The following OARD1 variants were observed in gnomAD, a reference collection of about 807,000 sequenced individuals.
OARD1 encodes the protein O-acyl-ADP-ribose deacylase 1.
OARD1 carries 19 observed loss-of-function variants against 19.7 expected under a neutral mutation model. The ratio of observed to expected loss-of-function variants is 0.96; its 90% CI spans 0.67 to 1.41. OARD1 has a LOEUF of 1.41. Among genes scored for constraint, OARD1 ranks in the 40% most tolerant of loss-of-function variants. The probability of loss-of-function intolerance (pLI) is 0.00; values close to 1 mark genes in which losing one functional copy is unlikely to be tolerated. For missense variants in OARD1, 190 were observed against 183.8 expected, an observed-to-expected ratio of 1.03 and a Z score of -0.20; for synonymous variants, 70 against 61.8, an observed-to-expected ratio of 1.13 and a Z score of -0.62.
At chr6:41,068,114 T>C (rs1389830084) in intron 5 of OARD1, among the ~76,000 whole-genome samples, 1 of 152,220 alleles carries the variant, frequency 6.6e-6, no homozygotes, top group African/African-American at 2.4e-5. Flanking sequence ...GATATGTATG[T>C]ACACCATAAA....
At chr6:41,090,935 T>C (rs939270552) in intron 1 of OARD1, among the ~76,000 whole-genome samples, 3 of 152,200 alleles carry the variant, frequency 2.0e-5, no homozygotes, top group African/African-American at 7.2e-5. Context: ...TTCCATGACT[T>C]TGTGATTGCA....
chr6:41,093,677 G>T (rs1764260862), intron 1 of OARD1, among the ~76,000 whole-genome samples: 2 of 152,144 alleles, frequency 1.3e-5, no homozygotes, highest in African/African-American at 2.4e-5. Context: ...CACCATGTTG[G>T]CCAGGCTGGT....
intron 1 of OARD1, chr6:41,097,486 G>GA: frequency 6.9e-7 from 1 of 1,459,330 alleles, no homozygotes; most frequent in Non-Finnish European, 9.6e-7. Context: ...CTTCCAATGG[G>GA]ACATTGATGA....
intron 1 of OARD1, among the ~76,000 whole-genome samples, chr6:41,094,243 C>T (rs1470979027): frequency 6.6e-6 from 1 of 152,086 alleles, no homozygotes; most frequent in Non-Finnish European, 1.5e-5. Context: ...TAGGTGTTTT[C>T]TCCAAAGCTT....
At chr6:41,084,164 C>T (rs754482435) in intron 1 of OARD1, 1 of 1,614,090 alleles carries the variant, frequency 6.2e-7, no homozygotes. Context: ...ATGCAAGTAC[C>T]TGTTTCTGGA....
chr6:41,093,160 C>A, intron 1 of OARD1: 2 of 1,340,680 alleles, frequency 1.5e-6, no homozygotes, highest in South Asian at 1.4e-5. Context: ...TTTTATATGG[C>A]TTGTTTTCTC....
In OARD1 at chr6:41,071,227, A is replaced by G. The variant is rs369222296; in HGVS notation, c.89T>C (p.Leu30Ser). 4.6e-5 allele frequency: 74 copies of G among 1,613,674 alleles called. No homozygotes were observed. The highest frequency in any genetic ancestry group is 1.5e-4 in the African/African-American group (11 of 75,046). ...DLFACPKTDS[L>S]AHCISEDCRM... ...ACAATCCTCACTGATACAGTGGGCTAAAGAGTCTGTTTTCGGGCATGCAAA... is the reference window on the plus strand; with the variant it reads ...ACAATCCTCACTGATACAGTGGGCTGAAGAGTCTGTTTTCGGGCATGCAAA... The change falls in exon 3 of 6, where the codon TTA (leucine) becomes TCA (serine). Residue 30 changes from leucine to serine, a missense_variant. By Grantham distance (145) the Leu-to-Ser change is moderately radical. Transcript: ENST00000424266.
Position 41,067,149 on chromosome 6 carries a change from T to C in OARD1, c.*186A>G, listed in dbSNP as rs1021377551. 2.6e-6 allele frequency: 1 copy of C among 389,162 alleles called. No homozygotes were observed. The highest frequency in any genetic ancestry group is 4.7e-6 in the Non-Finnish European group (1 of 210,842). The allele number at this position is 389,162 out of a possible 1,614,324, so 24.1% of individuals were successfully genotyped here. A position where few individuals can be genotyped will look rare whatever the true frequency, so the allele number is the denominator to read the frequency against. ...TTCCACAAAAAAACACAACCACATA[T>C]CTTAAGCAAGCCCTCCTCCACAGTC... is the stretch of plus-strand genomic sequence containing the variant. On this transcript the variant is annotated 3_prime_UTR_variant, in exon 6 of 6. Transcript: ENST00000424266.
Position 41,079,639 on chromosome 6 carries a change from T to C in OARD1, c.-41-7964A>G, listed in dbSNP as rs150821141. Among the ~76,000 whole-genome samples, 920 of 152,312 alleles carry C rather than the reference T, an allele frequency of 6.0e-3. 11 individuals carry two copies. The highest frequency in any genetic ancestry group is 0.021 in the African/African-American group (871 of 41,566). The stretch of plus-strand genomic sequence containing the variant: ...GACAGCCATTCTTATGGATAAGACA[T>C]ACTAGAAAGGAATTCCCTGCTGCTG... On this transcript the variant is annotated intron_variant, in intron 1 of 4. Coordinates refer to the OARD1 transcript ENST00000480585.
In OARD1 at chr6:41,066,473, T is replaced by C. The variant is rs1763013448; in HGVS notation, c.*862A>G. ...TTTTAAAGAAGACTCATAAGGATTT[T>C]TGACAATCACTGATTTATTGGGTCA... On this transcript the variant is annotated 3_prime_UTR_variant, in exon 6 of 6. Transcript: ENST00000424266. The C allele has an allele frequency of 6.6e-6, 1 of 152,172 alleles. No homozygotes were observed. Among genetic ancestry groups the C allele is most frequent in the African/African-American group, 2.4e-5 (1 of 41,426 alleles). 9.4% of individuals were successfully genotyped at this position (152,172 alleles called of 1,614,324 possible).
Position 41,071,685 on chromosome 6 carries a change from G to A in OARD1, c.-41-10C>T, listed in dbSNP as rs776183225. The A allele has an allele frequency of 3.3e-6, 5 of 1,522,524 alleles. No individual in the cohort carries two copies. The South Asian group carries it at 4.5e-5, about 14-fold the overall frequency. 94.3% of individuals were successfully genotyped at this position (1,522,524 alleles called of 1,614,324 possible). On this transcript the variant is annotated splice_polypyrimidine_tract_variant and intron_variant, in intron 1 of 5. Coordinates refer to ENST00000424266, the MANE Select transcript of OARD1 (RefSeq NM_001329686.2). Reference sequence around the variant, plus strand: ...TTAAGTGTTTCTTCAGCTATGAGAAGGGAAAAGGAAGTAAAAATGCTTAGG... The same window carrying A: ...TTAAGTGTTTCTTCAGCTATGAGAAAGGAAAAGGAAGTAAAAATGCTTAGG...
At chr6:41,085,493 A>C (rs1200357950) in intron 1 of OARD1, among the ~76,000 whole-genome samples, 4 of 152,170 alleles carry the variant, frequency 2.6e-5, no homozygotes, top group Admixed American at 2.6e-4. Context: ...ATTCATAACC[A>C]ACCCCCCATG....
At chr6:41,083,846 T>C (rs927005121) in intron 1 of OARD1, among the ~76,000 whole-genome samples, 2 of 152,368 alleles carry the variant, frequency 1.3e-5, no homozygotes, top group East Asian at 1.9e-4. Context: ...TGTCTGACCT[T>C]AAAGTATTGA....
chr6:41,074,981 C>A (rs1289416526), upstream of OARD1, among the ~76,000 whole-genome samples: 2 of 151,420 alleles, frequency 1.3e-5, no homozygotes, highest in Non-Finnish European at 2.9e-5. Context: ...TGTTATACAA[C>A]TAATAGGTTT....
At chr6:41,079,084 G>A (rs750919032) in intron 1 of OARD1, 25 of 1,613,838 alleles carry the variant, frequency 1.5e-5, no homozygotes, top group Middle Eastern at 3.3e-4. Context: ...CTCACTTGGA[G>A]GGACCATGGA....
At chr6:41,070,658 G>T (rs1012604198) in intron 3 of OARD1, among the ~76,000 whole-genome samples, 1 of 152,198 alleles carries the variant, frequency 6.6e-6, no homozygotes, top group Non-Finnish European at 1.5e-5. Context: ...AATCACTGTG[G>T]ACACTGATGC....
At chr6:41,077,526 G>C (rs912211537), upstream of OARD1, among the ~76,000 whole-genome samples, 1 of 141,254 alleles carries the variant, frequency 7.1e-6, no homozygotes, top group South Asian at 2.2e-4. Context: ...AATTTTATTA[G>C]TTTATAGCCA....
chr6:41,080,686 A>C, intron 1 of OARD1: 1 of 708,278 alleles, frequency 1.4e-6, no homozygotes, highest in East Asian at 2.6e-5. Context: ...CAATATAGGG[A>C]GTCTGTACAT....
At chr6:41,068,017 G>C (rs764291343) in intron 5 of OARD1, among the ~76,000 whole-genome samples, 2 of 151,818 alleles carry the variant, frequency 1.3e-5, no homozygotes, top group African/African-American at 2.4e-5. Flanking sequence ...AACACGCCTA[G>C]GGAAAAAAGA....
Sources: allele counts gnomAD v4.1 joint callset (sites outside exome capture counted in the v4.1 genomes callset), GRCh38; gene constraint gnomAD v4.1.1; transcripts MANE v1.5; gene names NCBI Gene and HGNC (gene_info 2026-07-23, HGNC 2026-07-21).